Variants in CSMD2 observed in about 807,000 individuals in gnomAD.
CSMD2 encodes CUB and Sushi multiple domains 2.
CSMD2 carries 130 observed loss-of-function variants against 398.5 expected under a neutral mutation model. That is an observed-to-expected ratio of 0.33 (90% CI 0.28 to 0.38). CSMD2 has a LOEUF of 0.38. Among genes scored for constraint, CSMD2 ranks in the 10% least tolerant of loss-of-function variants. The pLI, the probability that CSMD2 is intolerant of heterozygous loss-of-function variation, is 1.00. For synonymous variants in CSMD2, 1,828 were observed against 1,908.5 expected (o/e 0.96, Z 1.10); for missense variants, 3,829 against 4,764.9 (o/e 0.80, Z 5.78).
chr1:33,719,921 G>A (rs1056816174), intron 19 of CSMD2, among the ~76,000 whole-genome samples: 14 of 152,160 alleles, frequency 9.2e-5, no homozygotes, highest in Admixed American at 2.6e-4. Flanking sequence ...AAAGCCTCAC[G>A]GGTTAAAAGG....
At chr1:33,905,462 A>G (rs922589304) in intron 5 of CSMD2, among the ~76,000 whole-genome samples, 13 of 152,220 alleles carry the variant, frequency 8.5e-5, no homozygotes, top group African/African-American at 2.9e-4. Flanking sequence ...ATGAAGATGG[A>G]GAAACGACAC....
intron 51 of CSMD2, among the ~76,000 whole-genome samples, chr1:33,571,013 C>A (rs924966073): frequency 6.6e-6 from 1 of 152,086 alleles, no homozygotes; most frequent in African/African-American, 2.4e-5. Context: ...GAGATTCCGA[C>A]CTTTGAAAGT....
At chr1:33,950,133 C>A (rs1305469950) in intron 3 of CSMD2, among the ~76,000 whole-genome samples, 9 of 152,032 alleles carry the variant, frequency 5.9e-5, no homozygotes, top group Admixed American at 5.9e-4. Context: ...ATCTCAGTTT[C>A]TTCTCTTGGA....
At chr1:33,605,057 C>T (rs1640495830) in intron 42 of CSMD2, among the ~76,000 whole-genome samples, 1 of 152,140 alleles carries the variant, frequency 6.6e-6, no homozygotes, top group Non-Finnish European at 1.5e-5. Context: ...GGCTGTGGCC[C>T]ACATCTCCTC....
At position 33,743,416 on chromosome 1, in the gene CSMD2, G is replaced by A. The variant is rs183548236; in HGVS notation, c.2037C>T (p.Thr679=). The A allele has an allele frequency of 3.9e-5, 63 of 1,614,190 alleles. No homozygotes were observed. Among genetic ancestry groups the A allele is most frequent in the Middle Eastern group, 1.6e-4 (1 of 6,062 alleles). Residue 679 remains threonine (T), a synonymous_variant, in exon 14 of 71, where the codon ACC becomes ACT. Coordinates refer to ENST00000373381, the MANE Select transcript of CSMD2 (RefSeq NM_001281956.2). ...FDFLVIKDGA[T]AEAPVLGTFS... is the part of the protein sequence containing the mutation. ...AGGTGCCCAGGACGGGCGCCTCGGC[G>A]GTGGCCCCATCCTTGATGACCAGGA...
At chr1:33,550,398 C>G (rs1349418620) in intron 55 of CSMD2, 48 bp from the exon 56 acceptor site, 3 of 1,559,090 alleles carry the variant, frequency 1.9e-6, no homozygotes, top group Non-Finnish European at 1.8e-6. Context: ...AGGGATGGCT[C>G]ACCATCACAC....
chr1:33,904,417 A>G (rs1216272766), intron 5 of CSMD2, among the ~76,000 whole-genome samples: 1 of 152,262 alleles, frequency 6.6e-6, no homozygotes, highest in Admixed American at 6.5e-5. Context: ...TGGTTTAGAC[A>G]TACAAGGGAA....
chr1:33,778,240 A>C (rs1652254463), intron 12 of CSMD2, among the ~76,000 whole-genome samples: 1 of 151,892 alleles, frequency 6.6e-6, no homozygotes, highest in Admixed American at 6.6e-5. Context: ...CTGTTGCCCA[A>C]ACTGGAGTGC....
At chr1:33,606,780 C>T (rs1475150866) in intron 41 of CSMD2, among the ~76,000 whole-genome samples, 1 of 152,148 alleles carries the variant, frequency 6.6e-6, no homozygotes, top group African/African-American at 2.4e-5. Context: ...TGGGCCTCTC[C>T]TACAGGAATC....
chr1:34,007,711 G>A (rs1279629104), intron 3 of CSMD2, among the ~76,000 whole-genome samples: 1 of 151,910 alleles, frequency 6.6e-6, no homozygotes, highest in Non-Finnish European at 1.5e-5. Context: ...TAAACACAGG[G>A]GATTGGCTGA....
intron 5 of CSMD2, chr1:33,863,999 G>A (rs1639756410): frequency 3.5e-6 from 2 of 576,724 alleles, no homozygotes; most frequent in Non-Finnish European, 6.1e-6. Context: ...GCTGGCTTGT[G>A]GATGATGTCA....
intron 5 of CSMD2, among the ~76,000 whole-genome samples, chr1:33,848,854 T>A (rs1166164458): frequency 1.4e-5 from 2 of 143,378 alleles, no homozygotes; most frequent in African/African-American, 2.6e-5. Context: ...TCTATCTCAA[T>A]GACAAAGCTT....
At chr1:33,928,495 C>T (rs1644202592) in intron 4 of CSMD2, among the ~76,000 whole-genome samples, 1 of 152,166 alleles carries the variant, frequency 6.6e-6, no homozygotes, top group South Asian at 2.1e-4. Context: ...AACCTCACTG[C>T]CAACTTATGA....
intron 10 of CSMD2, among the ~76,000 whole-genome samples, chr1:33,795,767 G>A (rs1654880467): frequency 6.6e-6 from 1 of 152,220 alleles, no homozygotes; most frequent in Non-Finnish European, 1.5e-5. Flanking sequence ...GGAGGGCAGG[G>A]GTCAGGCCTC....
intron 44 of CSMD2, among the ~76,000 whole-genome samples, chr1:33,588,655 C>T (rs1639239597): frequency 6.6e-6 from 1 of 152,194 alleles, no homozygotes; most frequent in African/African-American, 2.4e-5. Context: ...ATACTTAAAA[C>T]ATCACGATCA....
At chr1:33,629,594 T>C (rs1314286147) in intron 32 of CSMD2, among the ~76,000 whole-genome samples, 1 of 152,170 alleles carries the variant, frequency 6.6e-6, no homozygotes, top group African/African-American at 2.4e-5. Flanking sequence ...TGAAGACTGT[T>C]GAGTAGCGGT....
chr1:33,918,351 C>CCATGGTGAGTG, intron 4 of CSMD2, 50 bp from the exon 5 acceptor site: 1 of 1,511,522 alleles, frequency 6.6e-7, no homozygotes, highest in Non-Finnish European at 9.1e-7. Flanking sequence ...GTTTTCAAGC[C>CCATGGTGAGTG]CTAGCACTCA....
At chr1:34,132,440 T>C in intron 1 of CSMD2, among the ~76,000 whole-genome samples, 1 of 152,068 alleles carries the variant, frequency 6.6e-6, no homozygotes, top group East Asian at 1.9e-4. Context: ...CTCTGGGACC[T>C]CCCCCAGGTG....
At chr1:33,737,064 T>C (rs1289915150) in intron 15 of CSMD2, among the ~76,000 whole-genome samples, 1 of 152,202 alleles carries the variant, frequency 6.6e-6, no homozygotes, top group South Asian at 2.1e-4. Flanking sequence ...GTGACCTGTT[T>C]CACCAGCAAA....
Sources: allele counts gnomAD v4.1 joint callset (sites outside exome capture counted in the v4.1 genomes callset), GRCh38; gene constraint gnomAD v4.1.1; transcripts MANE v1.5; gene names NCBI Gene and HGNC (gene_info 2026-07-23, HGNC 2026-07-21).